Variants in TRIM69 observed in about 807,000 individuals in gnomAD.
TRIM69 encodes the protein E3 ubiquitin-protein ligase TRIM69.
TRIM69 carries 29 observed loss-of-function variants against 37.7 expected under a neutral mutation model. The ratio of observed to expected loss-of-function variants is 0.77; its 90% CI spans 0.57 to 1.05. The LOEUF is 1.05. Ranked by LOEUF, TRIM69 falls within the 50% of genes least tolerant of loss-of-function variation. The probability of loss-of-function intolerance (pLI) is 0.00; values close to 1 mark genes in which losing one functional copy is unlikely to be tolerated. For synonymous variants in TRIM69, 209 were observed against 212.4 expected, an observed-to-expected ratio of 0.98 and a Z score of 0.14; for missense variants, 596 against 579.9, an observed-to-expected ratio of 1.03 and a Z score of -0.28.
intron 2 of TRIM69, 145 bp downstream of exon 2, chr15:44,755,521 A>G (rs896821567): frequency 4.4e-6 from 3 of 677,574 alleles, no homozygotes; most frequent in Non-Finnish European, 7.4e-6. Flanking sequence ...CGTATCTTGC[A>G]AAGTTCTTTT....
At chr15:44,765,562 C>G (rs1041067779) in intron 6 of TRIM69, among the ~76,000 whole-genome samples, 7 of 152,052 alleles carry the variant, frequency 4.6e-5, no homozygotes, top group Non-Finnish European at 8.8e-5. Context: ...ACTAGCCTGG[C>G]CAACATGGTG....
At chr15:44,760,211 T>C (rs373744261) in intron 6 of TRIM69, among the ~76,000 whole-genome samples, 3 of 152,346 alleles carry the variant, frequency 2.0e-5, no homozygotes, top group African/African-American at 7.2e-5. Context: ...AGGAGGAGGT[T>C]TCTGAACATA....
chr15:44,761,043 G>A (rs1001663658), intron 6 of TRIM69, among the ~76,000 whole-genome samples: 19 of 151,102 alleles, frequency 1.3e-4, no homozygotes, highest in Admixed American at 8.6e-4. Context: ...TCAGCCTCCC[G>A]AGTAGCTGGG....
intron 1 of TRIM69, among the ~76,000 whole-genome samples, chr15:44,748,243 C>A (rs2087448034): frequency 6.6e-6 from 1 of 152,138 alleles, no homozygotes. Flanking sequence ...AAAGTAGAAG[C>A]TAGGGACTTC....
At chr15:44,740,799 C>T (rs575307010) in intron 1 of TRIM69, among the ~76,000 whole-genome samples, 6 of 151,876 alleles carry the variant, frequency 4.0e-5, no homozygotes, top group African/African-American at 1.4e-4. Context: ...AATACAGGAG[C>T]ACCCAGATTC....
At chr15:44,754,732 A>G (rs1424722673) in intron 1 of TRIM69, 168 bp from the exon 2 acceptor site, 1 of 641,128 alleles carries the variant, frequency 1.6e-6, no homozygotes, top group Middle Eastern at 2.8e-4. Flanking sequence ...ATCATACGCT[A>G]TAATTTCAGA....
chr15:44,767,776 G>A lies in TRIM69; in HGVS notation c.*4G>A, dbSNP rs1254948781. ...GCACATCTTACATCCACAGTAATGA[G>A]TCATAATATTATACAAATTCAGAGT... On this transcript the variant is annotated 3_prime_UTR_variant, in exon 7 of 7. Coordinates refer to ENST00000329464, the MANE Select transcript of TRIM69 (RefSeq NM_182985.5). The A allele has an allele frequency of 1.2e-6, 2 of 1,600,878 alleles. No individual in the cohort carries two copies. The highest frequency in any genetic ancestry group is 1.7e-6 in the Non-Finnish European group (2 of 1,174,766).
At chr15:44,764,719 G>A (rs1225284423) in intron 6 of TRIM69, among the ~76,000 whole-genome samples, 1 of 152,192 alleles carries the variant, frequency 6.6e-6, no homozygotes, top group Non-Finnish European at 1.5e-5. Context: ...CTAGCTTAGG[G>A]AATTTTTCAA....
rs189300020 is a variant in TRIM69 at position 44,749,247 on chromosome 15, C to A, written c.7-5653C>A. On this transcript the variant is annotated intron_variant, in intron 1 of 6. Transcript: ENST00000329464. Reference sequence around the variant, plus strand: ...AAAAGTCATACAACATAAAATTAATCTTTTAAGATGTACAATTCAGTGGCA... The same window carrying A: ...AAAAGTCATACAACATAAAATTAATATTTTAAGATGTACAATTCAGTGGCA... Among the ~76,000 whole-genome samples, 504 of 151,410 alleles carry A rather than the reference C, an allele frequency of 3.3e-3. 2 individuals are homozygous for A. The highest frequency in any genetic ancestry group is 6.3e-3 in the Non-Finnish European group (429 of 67,674).
In TRIM69 at chr15:44,767,546, C is replaced by G. The variant is rs2087926658; in HGVS notation, c.1277C>G (p.Ala426Gly). ...CTAAGGAACCAAACTGATCTAAAGGCTCTGGATTTGCCTTCTTTCAGTCTG... is the reference window on the plus strand; with the variant it reads ...CTAAGGAACCAAACTGATCTAAAGGGTCTGGATTTGCCTTCTTTCAGTCTG... ...LRLRNQTDLK[A>G]LDLPSFSLTL... The change falls in exon 7 of 7, where the codon GCT (alanine) becomes GGT (glycine). Residue 426 changes from alanine to glycine, a missense_variant. Coordinates refer to ENST00000329464, the MANE Select transcript of TRIM69 (RefSeq NM_182985.5). The G allele has an allele frequency of 6.2e-7, 1 of 1,614,114 alleles. No individual in the cohort carries two copies. Among genetic ancestry groups the G allele is most frequent in the Non-Finnish European group, 8.5e-7 (1 of 1,180,048 alleles).
In TRIM69 at chr15:44,755,173, C is replaced by G; in HGVS notation, c.280C>G (p.Pro94Ala). ...TCAGTATAACAACTGTACATTCAAC[C>G]CTGTACTGGACAAGTTGGTAGAGAA... ...LCQYNNCTFN[P>A]VLDKLVEKIK... The change falls in exon 2 of 7, where the codon CCT becomes GCT. Residue 94 changes from proline to alanine, a missense_variant. Coordinates refer to ENST00000329464, the MANE Select transcript of TRIM69 (RefSeq NM_182985.5). 1 of 1,614,164 alleles carries G rather than the reference C, an allele frequency of 6.2e-7. No individual in the cohort carries two copies. Among genetic ancestry groups the G allele is most frequent in the African/African-American group, 1.3e-5 (1 of 75,036 alleles).
chr15:44,753,725 T>C (rs1210844101), intron 1 of TRIM69: 2 of 152,134 alleles, frequency 1.3e-5, no homozygotes, highest in Admixed American at 1.3e-4. Context: ...TCAAAAATTT[T>C]TTTTTTTGAG....
chr15:44,741,882 A>G (rs2087295216), intron 1 of TRIM69, among the ~76,000 whole-genome samples: 1 of 152,254 alleles, frequency 6.6e-6, no homozygotes, highest in Non-Finnish European at 1.5e-5. Context: ...GAATTCTACC[A>G]GAGGTACAAG....
At chr15:44,738,050 CTTTCTTTTTTTTTTTTT>C (rs2087199443) in intron 1 of TRIM69, among the ~76,000 whole-genome samples, 1 of 118,020 alleles carries the variant, frequency 8.5e-6, no homozygotes, top group African/African-American at 3.3e-5. Context: ...TACTTTCTTT[CTTTCTTTTTTTTTTTTT>C]TTTTTTTTTA....
At chr15:44,762,799 C>T (rs556787151) in intron 6 of TRIM69, among the ~76,000 whole-genome samples, 2 of 152,014 alleles carry the variant, frequency 1.3e-5, no homozygotes, top group Admixed American at 1.3e-4. Flanking sequence ...ATATCCTTGT[C>T]TGCTAATTCT....
At chr15:44,759,492 A>G in intron 4 of TRIM69, 148 bp from the exon 5 acceptor site, 2 of 761,140 alleles carry the variant, frequency 2.6e-6, no homozygotes, top group Non-Finnish European at 4.3e-6. Context: ...AGGGATGAAG[A>G]TTAGAAAAAG....
At chr15:44,759,911 A>G (rs750489064) in intron 6 of TRIM69, 39 bp downstream of exon 6, 1 of 1,588,628 alleles carries the variant, frequency 6.3e-7, no homozygotes, top group African/African-American at 1.3e-5. Context: ...TGAGGCTCCT[A>G]ATCTACGTTT....
At chr15:44,751,167 G>A (rs566552218) in intron 1 of TRIM69, among the ~76,000 whole-genome samples, 1 of 150,568 alleles carries the variant, frequency 6.6e-6, no homozygotes, top group Non-Finnish European at 1.5e-5. Flanking sequence ...CCAGGCTGGA[G>A]TACAATGGCA....
At chr15:44,760,950 C>T (rs989970267) in intron 6 of TRIM69, among the ~76,000 whole-genome samples, 2 of 151,100 alleles carry the variant, frequency 1.3e-5, no homozygotes, top group Non-Finnish European at 2.9e-5. Flanking sequence ...TGGAGTCTCG[C>T]TCTGTTGCCC....
Sources: allele counts gnomAD v4.1 joint callset (sites outside exome capture counted in the v4.1 genomes callset), GRCh38; gene constraint gnomAD v4.1.1; transcripts MANE v1.5; gene names NCBI Gene and HGNC (gene_info 2026-07-23, HGNC 2026-07-21).